Variants in DOP1B observed in about 807,000 individuals in gnomAD.
The protein encoded by DOP1B is DOP1 leucine zipper like protein B, also known as protein DOP1B.
DOP1B carries 174 observed loss-of-function variants against 233.5 expected under a neutral mutation model. The observed-to-expected ratio is 0.75, with a 90% confidence interval of 0.66 to 0.85. The LOEUF is 0.85. DOP1B is among the 40% of genes least tolerant of loss of function. DOP1B has a pLI of 0.00. For missense variants in DOP1B, 2,652 were observed against 2,846.6 expected (o/e 0.93, Z 1.56); for synonymous variants, 1,190 against 1,185.6 (o/e 1.00, Z -0.08).
At chr21:36,251,555 A>G (rs2067033058) in intron 22 of DOP1B, among the ~76,000 whole-genome samples, 1 of 151,984 alleles carries the variant, frequency 6.6e-6, no homozygotes, top group African/African-American at 2.4e-5. Flanking sequence ...ATGTAACTGG[A>G]ATTATAGGTG....
chr21:36,239,682 A>G, intron 17 of DOP1B, 83 bp from the exon 18 acceptor site: 2 of 1,422,382 alleles, frequency 1.4e-6, no homozygotes, highest in South Asian at 1.5e-5. Context: ...GTGTTGGGTG[A>G]CGCCCTATGC....
At chr21:36,256,739 G>A (rs955659251) in intron 23 of DOP1B, among the ~76,000 whole-genome samples, 1 of 150,736 alleles carries the variant, frequency 6.6e-6, no homozygotes, top group Non-Finnish European at 1.5e-5. Context: ...CCAGTCACAA[G>A]AGGACTAACA....
intron 36 of DOP1B, among the ~76,000 whole-genome samples, chr21:36,292,531 TCTC>T (rs1442608589): frequency 6.6e-6 from 1 of 151,864 alleles, no homozygotes; most frequent in South Asian, 2.1e-4. Flanking sequence ...TTCAAGCAAT[TCTC>T]CTCTCAGCCT....
intron 15 of DOP1B, among the ~76,000 whole-genome samples, chr21:36,233,654 C>T (rs2066793124): frequency 6.6e-6 from 1 of 152,140 alleles, no homozygotes; most frequent in Non-Finnish European, 1.5e-5. Flanking sequence ...TCTTTATTTC[C>T]TGAATGTCCT....
At chr21:36,287,327 G>A (rs574735154) in intron 32 of DOP1B, among the ~76,000 whole-genome samples, 26 of 152,240 alleles carry the variant, frequency 1.7e-4, no homozygotes, top group African/African-American at 6.0e-4. Flanking sequence ...ATATGATTGT[G>A]TAAGTCCATT....
intron 5 of DOP1B, among the ~76,000 whole-genome samples, chr21:36,210,508 G>A (rs1328013699): frequency 3.9e-5 from 6 of 152,150 alleles, no homozygotes; most frequent in African/African-American, 1.4e-4. Context: ...AGCTGGGTGT[G>A]GTGATGGGCG....
chr21:36,169,637 T>TCC, intron 2 of DOP1B: 2 of 916,782 alleles, frequency 2.2e-6, no homozygotes, highest in Non-Finnish European at 3.7e-6. Flanking sequence ...CACTTGGATC[T>TCC]CCATCAGCTG....
rs1456560886 is a variant in DOP1B at position 36,247,464 on chromosome 21, A to T, written c.4698-53A>T. 3.0e-6 allele frequency: 4 copies of T among 1,332,512 alleles called. No homozygotes were observed. In the Admixed American group the frequency reaches 6.8e-5, roughly 23 times the overall value. The allele number at this position is 1,332,512 out of a possible 1,614,324, so 82.5% of individuals were successfully genotyped here. On this transcript the variant is annotated intron_variant, in intron 19 of 36. Coordinates refer to ENST00000691173, the MANE Select transcript of DOP1B (RefSeq NM_001320714.2). ...TTTATATATAGGATTAGAAACCCTT[A>T]TGGCCTCATTCTTTAAAAATTCTCA...
chr21:36,220,163 G>A (rs1168623042), intron 10 of DOP1B, among the ~76,000 whole-genome samples: 1 of 152,070 alleles, frequency 6.6e-6, no homozygotes, highest in African/African-American at 2.4e-5. Flanking sequence ...AACTAGCATT[G>A]GGTACATTGA....
At chr21:36,168,861 A>G in intron 2 of DOP1B, 1 of 370,826 alleles carries the variant, frequency 2.7e-6, no homozygotes, top group South Asian at 2.9e-5. Flanking sequence ...AATGATAACC[A>G]TCCTAGTTGT....
intron 2 of DOP1B, among the ~76,000 whole-genome samples, chr21:36,182,244 C>T (rs1034810591): frequency 7.2e-5 from 11 of 152,242 alleles, no homozygotes; most frequent in Non-Finnish European, 1.2e-4. Flanking sequence ...GGTTACCCAC[C>T]GATAACCATT....
intron 20 of DOP1B, 36 bp downstream of exon 20, chr21:36,247,664 T>C: frequency 6.9e-7 from 1 of 1,456,626 alleles, no homozygotes; most frequent in Non-Finnish European, 9.5e-7. Context: ...AAGGCAATTT[T>C]CATGTATTGT....
intron 32 of DOP1B, among the ~76,000 whole-genome samples, chr21:36,285,512 C>T (rs890367998): frequency 3.9e-5 from 6 of 152,086 alleles, no homozygotes; most frequent in Non-Finnish European, 7.4e-5. Flanking sequence ...TACATGTTGT[C>T]GTTGTCCCCA....
At chr21:36,260,865 A>C in intron 24 of DOP1B, 133 bp downstream of exon 24, 2 of 1,511,406 alleles carry the variant, frequency 1.3e-6, no homozygotes, top group Admixed American at 2.4e-5. Flanking sequence ...TAAAGTTGTC[A>C]TAATTTCTTC....
At chr21:36,288,896 A>G in intron 34 of DOP1B, 85 bp downstream of exon 34, 1 of 1,455,210 alleles carries the variant, frequency 6.9e-7, no homozygotes, top group East Asian at 2.3e-5. Flanking sequence ...GTCTAATGTT[A>G]AATGCTGTTA....
In DOP1B at chr21:36,227,124, T is replaced by C. The variant is rs189070241; in HGVS notation, c.1474-562T>C. On this transcript the variant is annotated intron_variant, in intron 12 of 36. Transcript: ENST00000691173. ...TCAGGAGGCTGAGGCAGGAGAATGGTGTGAACCTGGGAGGCAGAGCTTGCA... is the reference window on the plus strand; with the variant it reads ...TCAGGAGGCTGAGGCAGGAGAATGGCGTGAACCTGGGAGGCAGAGCTTGCA... Among the ~76,000 whole-genome samples, 680 of 143,986 alleles carry C rather than the reference T, an allele frequency of 4.7e-3. 4 individuals are homozygous for C. Among genetic ancestry groups the C allele is most frequent in the African/African-American group, 0.015 (598 of 38,616 alleles). 94.5% of individuals were successfully genotyped at this position (143,986 alleles called of 152,430 possible).
rs2066537843 is a variant in DOP1B at position 36,214,478 on chromosome 21, G to T, written c.1051G>T (p.Ala351Ser). 10 of 1,613,636 alleles carry T rather than the reference G, an allele frequency of 6.2e-6. No individual in the cohort carries two copies. Among genetic ancestry groups the T allele is most frequent in the Non-Finnish European group, 7.6e-6 (9 of 1,179,944 alleles). ...AEILHQKFID[A>S]DVEERHHAYL... is the part of the protein sequence containing the mutation. ...GATATTGCATCAGAAGTTCATAGAT[G>T]CTGACGTGGAGGAACGCCATCATGC... The change falls in exon 9 of 37, where the codon GCT (alanine) becomes TCT (serine). Residue 351 changes from alanine to serine, a missense_variant. Coordinates refer to ENST00000691173, the MANE Select transcript of DOP1B (RefSeq NM_001320714.2).
intron 3 of DOP1B, 98 bp downstream of exon 3, chr21:36,199,349 G>T: frequency 6.9e-7 from 1 of 1,454,960 alleles, no homozygotes. Flanking sequence ...AATAAGCGTA[G>T]GGCTGTGTGT....
intron 23 of DOP1B, among the ~76,000 whole-genome samples, chr21:36,260,240 GAGGA>G (rs200318743): frequency 0.076 from 8,489 of 111,394 alleles, 539 homozygotes; most frequent in East Asian, 0.35. Flanking sequence ...GAAGGGAAGG[GAGGA>G]AGGGAGGGAG....
Sources: gnomAD v4.1 joint callset for allele counts (sites outside exome capture counted in the v4.1 genomes callset) on GRCh38, gnomAD v4.1.1 for gene constraint, MANE v1.5 for transcripts, NCBI Gene and HGNC (gene_info 2026-07-23, HGNC 2026-07-21) for gene names.